Variants in SH3D19 observed in about 807,000 individuals in gnomAD.
SH3D19 encodes SH3 domain-containing protein 19.
A neutral mutation model predicts 112.1 loss-of-function variants in SH3D19; 58 were observed. The observed-to-expected ratio is 0.52, with a 90% confidence interval of 0.42 to 0.64. The LOEUF is 0.64. Ranked by LOEUF, SH3D19 falls within the 30% of genes least tolerant of loss-of-function variation. SH3D19 has a pLI of 0.00. For synonymous variants in SH3D19, 391 were observed against 448.5 expected (o/e 0.87, Z 1.62); for missense variants, 1,090 against 1,263.4 (o/e 0.86, Z 2.08).
intron 1 of SH3D19, among the ~76,000 whole-genome samples, chr4:151,256,076 A>G (rs1771891462): frequency 6.8e-6 from 1 of 147,368 alleles, no homozygotes; most frequent in Non-Finnish European, 1.5e-5. Flanking sequence ...AAGATTTTAA[A>G]CTGTCTTTCT....
intron 11 of SH3D19, chr4:151,144,280 C>T (rs201179905): frequency 6.2e-7 from 1 of 1,613,918 alleles, no homozygotes; most frequent in Admixed American, 1.7e-5. Flanking sequence ...TTCCATGAGG[C>T]ACAGACAGCT....
chr4:151,194,734 C>T (rs1763152394), intron 2 of SH3D19, among the ~76,000 whole-genome samples: 1 of 68,646 alleles, frequency 1.5e-5, no homozygotes, highest in African/African-American at 2.7e-5. Context: ...GTCCTATTAG[C>T]TGATGATTTC....
intron 2 of SH3D19, among the ~76,000 whole-genome samples, chr4:151,188,901 G>T (rs1469588622): frequency 6.6e-6 from 1 of 152,036 alleles, no homozygotes; most frequent in Non-Finnish European, 1.5e-5. Flanking sequence ...AGTTGGATGG[G>T]CCCCAATCCA....
At chr4:151,291,092 C>A in intron 1 of SH3D19, 1 of 1,548,580 alleles carries the variant, frequency 6.5e-7, no homozygotes, top group South Asian at 1.2e-5. Flanking sequence ...TTTCACTATG[C>A]TCATTACCTT....
At chr4:151,150,258 TATATATAC>T (rs1754768301) in intron 9 of SH3D19, among the ~76,000 whole-genome samples, 1 of 122,128 alleles carries the variant, frequency 8.2e-6, no homozygotes, top group African/African-American at 3.0e-5. Context: ...TATACACACA[TATATATAC>T]ATATATATAC....
intron 2 of SH3D19, among the ~76,000 whole-genome samples, chr4:151,193,711 A>C (rs1184212840): frequency 6.6e-6 from 1 of 152,204 alleles, no homozygotes; most frequent in Non-Finnish European, 1.5e-5. Flanking sequence ...GGTATGGTGC[A>C]TGTCAACCCA....
chr4:151,264,422 T>G (rs780330457), intron 1 of SH3D19, among the ~76,000 whole-genome samples: 7 of 80,576 alleles, frequency 8.7e-5, no homozygotes, highest in Non-Finnish European at 1.7e-4. Flanking sequence ...AGTGAGACTC[T>G]GTCTCAAAAA....
chr4:151,144,429 G>C (rs2149768352), intron 11 of SH3D19: 3 of 691,212 alleles, frequency 4.3e-6, no homozygotes, highest in South Asian at 1.7e-5. Context: ...TCGCGCTCTA[G>C]ATCAATGGAG....
chr4:151,219,922 CTTCAT>C (rs571170769), intron 2 of SH3D19, among the ~76,000 whole-genome samples: 100 of 152,126 alleles, frequency 6.6e-4, no homozygotes, highest in Non-Finnish European at 1.4e-3. Flanking sequence ...TTCCATTTTA[CTTCAT>C]TTCTTTAGAT....
chr4:151,147,836 A>G (rs984328025), intron 11 of SH3D19, 86 bp downstream of exon 11: 2 of 1,469,222 alleles, frequency 1.4e-6, no homozygotes, highest in Non-Finnish European at 1.8e-6. Flanking sequence ...CATTTGTTCC[A>G]TCATCTTTTT....
intron 1 of SH3D19, among the ~76,000 whole-genome samples, chr4:151,233,082 C>T (rs1003786766): frequency 1.3e-5 from 2 of 151,802 alleles, no homozygotes; most frequent in African/African-American, 2.4e-5. Flanking sequence ...TATTGTGAAC[C>T]GCACATGGGA....
chr4:151,308,576 G>A (rs912175339), intron 1 of SH3D19, among the ~76,000 whole-genome samples: 7 of 152,208 alleles, frequency 4.6e-5, no homozygotes, highest in Non-Finnish European at 5.9e-5. Flanking sequence ...AGGTAAATGG[G>A]CATAAGAACC....
At chr4:151,238,805 A>C (rs1770335976) in intron 1 of SH3D19, among the ~76,000 whole-genome samples, 1 of 152,178 alleles carries the variant, frequency 6.6e-6, no homozygotes, top group Non-Finnish European at 1.5e-5. Context: ...GTAAAGCCAC[A>C]GCCAGGCCTT....
rs759083604 is a variant in SH3D19, at chr4:151,175,337, G to T, written c.867C>A (p.Ser289Arg). Residue 289 changes from serine to arginine, a missense_variant, in exon 7 of 20, where the codon AGC becomes AGA. By Grantham distance (110) the Ser-to-Arg change is moderately radical. Transcript: ENST00000604030. ...TAATTCTGGAAACAATACTATTTTG[G>T]CTTTGTTCTGTGTTCATAATGTTCA... ...AVMNIMNTEQ[S>R]QNSIVSRIKV... 1 of 1,612,756 alleles carries T rather than the reference G, an allele frequency of 6.2e-7. No homozygotes were observed. Among genetic ancestry groups the T allele is most frequent in the Non-Finnish European group, 8.5e-7 (1 of 1,179,388 alleles).
chr4:151,226,101 G>A lies in SH3D19; in HGVS notation c.113-15C>T. The A allele has an allele frequency of 8.1e-7, 1 of 1,231,614 alleles. No homozygotes were observed. Among genetic ancestry groups the A allele is most frequent in the Non-Finnish European group, 1.0e-6 (1 of 987,540 alleles). The allele number at this position is 1,231,614 out of a possible 1,614,324, so 76.3% of individuals were successfully genotyped here. Reference sequence around the variant, plus strand: ...TTCGTTGCGATCTGTAGAGAAAGAAGATGGTTACGTGTCAAAAGGTTCTTT... The same window carrying A: ...TTCGTTGCGATCTGTAGAGAAAGAAAATGGTTACGTGTCAAAAGGTTCTTT... On this transcript the variant is annotated splice_polypyrimidine_tract_variant and intron_variant, in intron 1 of 19. Transcript: ENST00000604030.
At chr4:151,126,430 T>C (rs1749340796) in intron 19 of SH3D19, among the ~76,000 whole-genome samples, 1 of 152,154 alleles carries the variant, frequency 6.6e-6, no homozygotes, top group Non-Finnish European at 1.5e-5. Context: ...CCCTCCTTCT[T>C]CTAGCACTGT....
intron 1 of SH3D19, among the ~76,000 whole-genome samples, chr4:151,244,797 G>C (rs1770810652): frequency 6.6e-6 from 1 of 152,176 alleles, no homozygotes; most frequent in Non-Finnish European, 1.5e-5. Context: ...CTAAAACATA[G>C]CCATAGCAAA....
Position 151,175,558 on chromosome 4 carries a change from C to T in SH3D19, c.646G>A (p.Glu216Lys), listed in dbSNP as rs1422683347. 3.7e-6 allele frequency: 5 copies of T among 1,361,674 alleles called. No homozygotes were observed. The East Asian group carries it at 1.4e-4, about 37-fold the overall frequency. The allele number at this position is 1,361,674 out of a possible 1,614,324, so 84.3% of individuals were successfully genotyped here. ...GGACATCTTGTAGCACTGGGGTTTT[C>T]TGGACAATTCGGTTCTTCAGAAATA... is the stretch of plus-strand genomic sequence containing the variant. The part of the protein sequence containing the change: ...FDISEEPNCP[E>K]NPSATRCPVP... The change falls in exon 7 of 20, where the codon GAA (glutamate) becomes AAA (lysine). Residue 216 changes from glutamate to lysine, a missense_variant. Transcript: ENST00000604030.
intron 9 of SH3D19, among the ~76,000 whole-genome samples, chr4:151,158,440 C>T (rs973902350): frequency 1.3e-5 from 2 of 152,018 alleles, no homozygotes; most frequent in Non-Finnish European, 2.9e-5. Context: ...GCTGGGATTA[C>T]AGGCACACGA....
Sources: gnomAD v4.1 joint callset for allele counts (sites outside exome capture counted in the v4.1 genomes callset) on GRCh38, gnomAD v4.1.1 for gene constraint, MANE v1.5 for transcripts, NCBI Gene and HGNC (gene_info 2026-07-23, HGNC 2026-07-21) for gene names.